Variants in SLC26A7 observed in about 807,000 individuals in gnomAD.
SLC26A7 encodes anion exchange transporter.
Under a neutral mutation model 82.5 loss-of-function variants are expected in SLC26A7, and 59 were observed. That is an observed-to-expected ratio of 0.72 (90% CI 0.58 to 0.89). The LOEUF (loss-of-function observed/expected upper bound fraction) is 0.89, where lower values mean the gene tolerates loss of function less well. Ranked by LOEUF, SLC26A7 falls within the 40% of genes least tolerant of loss-of-function variation. The pLI, the probability that SLC26A7 is intolerant of heterozygous loss-of-function variation, is 0.00. For missense variants in SLC26A7, 820 were observed against 793.0 expected, an observed-to-expected ratio of 1.03 and a Z score of -0.41; for synonymous variants, 271 against 274.3, an observed-to-expected ratio of 0.99 and a Z score of 0.12.
chr8:91,278,223 G>A (rs1453263694), intron 2 of SLC26A7, among the ~76,000 whole-genome samples: 2 of 148,170 alleles, frequency 1.3e-5, no homozygotes, highest in East Asian at 1.9e-4. Flanking sequence ...GAAGCCCCAC[G>A]GCTCCAGAAA....
chr8:91,300,031 C>T (rs1314735213), intron 4 of SLC26A7, among the ~76,000 whole-genome samples: 5 of 152,098 alleles, frequency 3.3e-5, no homozygotes, highest in Non-Finnish European at 4.4e-5. Flanking sequence ...GAGAAACTTC[C>T]TTGTATAAAA....
chr8:91,392,791 A>G (rs1228924303), intron 16 of SLC26A7, among the ~76,000 whole-genome samples: 14 of 152,158 alleles, frequency 9.2e-5, no homozygotes, highest in Admixed American at 8.5e-4. Context: ...TATCAGCATC[A>G]ACAAACCACC....
intron 9 of SLC26A7, chr8:91,343,918 A>T: frequency 2.0e-6 from 1 of 498,204 alleles, no homozygotes; most frequent in Non-Finnish European, 2.6e-6. Context: ...CACATATTTT[A>T]AGTTAAACAA....
In SLC26A7 at chr8:91,340,386, TG is replaced by T; in HGVS notation, c.879-16del. ...TACATGAAGTTTGATGACTTCAATA[TG>T]GTCCTTCTTTCCACAGAATTCCCTC... On this transcript the variant is annotated splice_polypyrimidine_tract_variant and intron_variant, in intron 7 of 18. Coordinates refer to ENST00000276609, the MANE Select transcript of SLC26A7 (RefSeq NM_052832.4). 1 of 1,612,404 alleles carries T rather than the reference TG, an allele frequency of 6.2e-7. No homozygotes were observed. The highest frequency in any genetic ancestry group is 2.2e-5 in the East Asian group (1 of 44,844).
At chr8:91,364,264 C>T (rs1814129668) in intron 13 of SLC26A7, among the ~76,000 whole-genome samples, 1 of 151,332 alleles carries the variant, frequency 6.6e-6, no homozygotes, top group Non-Finnish European at 1.5e-5. Context: ...TAACCTTTTT[C>T]CGTTTATTTT....
intron 5 of SLC26A7, among the ~76,000 whole-genome samples, chr8:91,326,288 C>A (rs1234966557): frequency 6.6e-6 from 1 of 152,184 alleles, no homozygotes; most frequent in African/African-American, 2.4e-5. Context: ...TAAACTATCA[C>A]AGACGAGGTG....
intron 2 of SLC26A7, among the ~76,000 whole-genome samples, chr8:91,272,308 T>C (rs1305666489): frequency 2.0e-5 from 3 of 152,242 alleles, no homozygotes; most frequent in Non-Finnish European, 4.4e-5. Flanking sequence ...TTGCTTGATA[T>C]ACAATAGTTT....
At chr8:91,373,380 A>G (rs895276634) in intron 15 of SLC26A7, among the ~76,000 whole-genome samples, 1 of 151,828 alleles carries the variant, frequency 6.6e-6, no homozygotes, top group Non-Finnish European at 1.5e-5. Flanking sequence ...TGCTTTTATT[A>G]TTTTGATGTA....
At chr8:91,338,459 A>G (rs566755570) in intron 7 of SLC26A7, among the ~76,000 whole-genome samples, 3 of 152,266 alleles carry the variant, frequency 2.0e-5, no homozygotes, top group Admixed American at 6.5e-5. Context: ...GCTTCAGGTA[A>G]AAGGTTTGGG....
intron 14 of SLC26A7, among the ~76,000 whole-genome samples, chr8:91,368,822 C>T (rs1019561176): frequency 3.3e-5 from 5 of 152,134 alleles, no homozygotes; most frequent in African/African-American, 7.2e-5. Flanking sequence ...TCATCACCAG[C>T]CCTGAGATGT....
rs748942459 is a variant in SLC26A7 at position 91,289,184 on chromosome 8, A to G, written c.242A>G (p.Tyr81Cys). The change falls in exon 3 of 19, where the codon TAT becomes TGT. Residue 81 changes from tyrosine (Y) to cysteine (C), a missense_variant. Coordinates refer to ENST00000276609, the MANE Select transcript of SLC26A7 (RefSeq NM_052832.4). ...TCTGTGCACCCAGTGTTTGGTTTAT[A>G]TGGGTCTCTGTTTCCTGCCATAATT... ...LSSVHPVFGL[Y>C]GSLFPAIIYA... 2.5e-6 allele frequency: 4 copies of G among 1,614,018 alleles called. No homozygotes were observed. The highest frequency in any genetic ancestry group is 3.4e-6 in the Non-Finnish European group (4 of 1,179,962).
At chr8:91,372,102 A>G (rs1368996925) in intron 15 of SLC26A7, among the ~76,000 whole-genome samples, 1 of 151,464 alleles carries the variant, frequency 6.6e-6, no homozygotes, top group African/African-American at 2.4e-5. Context: ...TTCTCATTGA[A>G]GTTCAAATTC....
At chr8:91,364,132 A>G (rs2130872147) in intron 13 of SLC26A7, among the ~76,000 whole-genome samples, 1 of 152,272 alleles carries the variant, frequency 6.6e-6, no homozygotes, top group African/African-American at 2.4e-5. Context: ...TCTTAATTGT[A>G]GTTTGTTGTT....
At chr8:91,245,129 C>A (rs1810527049), upstream of SLC26A7, among the ~76,000 whole-genome samples, 2 of 152,128 alleles carry the variant, frequency 1.3e-5, no homozygotes, top group South Asian at 4.2e-4. Context: ...ATAAACAGCA[C>A]CATAGAATAT....
At chr8:91,261,549 A>G (rs1810965326) in intron 2 of SLC26A7, among the ~76,000 whole-genome samples, 1 of 152,110 alleles carries the variant, frequency 6.6e-6, no homozygotes. Flanking sequence ...TATATAACAT[A>G]ACATGAAATG....
chr8:91,385,638 G>A (rs531617570), intron 15 of SLC26A7, among the ~76,000 whole-genome samples: 1 of 152,246 alleles, frequency 6.6e-6, no homozygotes, highest in South Asian at 2.1e-4. Flanking sequence ...TAAAGGGATA[G>A]CACAGAGGAA....
intron 3 of SLC26A7, among the ~76,000 whole-genome samples, chr8:91,290,615 C>T (rs1286157892): frequency 6.6e-6 from 1 of 152,196 alleles, no homozygotes; most frequent in Non-Finnish European, 1.5e-5. Flanking sequence ...ATTGGGCACA[C>T]CTGGATAATC....
intron 2 of SLC26A7, among the ~76,000 whole-genome samples, chr8:91,266,581 T>A (rs1273220098): frequency 1.3e-5 from 2 of 151,908 alleles, no homozygotes; most frequent in African/African-American, 4.8e-5. Context: ...GATTGATGTA[T>A]ATTGATTTTG....
chr8:91,289,742 A>T, intron 3 of SLC26A7, among the ~76,000 whole-genome samples: 1 of 152,196 alleles, frequency 6.6e-6, no homozygotes, highest in East Asian at 1.9e-4. Context: ...ATAGCTACTC[A>T]AAAAACAGTG....
Sources: gnomAD v4.1 joint callset for allele counts (sites outside exome capture counted in the v4.1 genomes callset) on GRCh38, gnomAD v4.1.1 for gene constraint, MANE v1.5 for transcripts, NCBI Gene and HGNC (gene_info 2026-07-23, HGNC 2026-07-21) for gene names.